The following DGKB variants were observed in gnomAD, a reference collection of about 807,000 sequenced individuals.
DGKB encodes the protein 90 kDa diacylglycerol kinase.
Under a neutral mutation model 114.3 loss-of-function variants are expected in DGKB, and 67 were observed. The ratio of observed to expected loss-of-function variants is 0.59; its 90% confidence interval spans 0.48 to 0.72. DGKB has a LOEUF of 0.72. Ranked by LOEUF, DGKB falls within the 30% of genes least tolerant of loss-of-function variation. The probability of loss-of-function intolerance (pLI) is 0.00; values close to 1 mark genes in which losing one functional copy is unlikely to be tolerated. For missense variants in DGKB, 907 were observed against 975.2 expected, an observed-to-expected ratio of 0.93 and a Z score of 0.93; for synonymous variants, 398 against 323.1, an observed-to-expected ratio of 1.23 and a Z score of -2.49.
chr7:14,741,004 T>C (rs1466886055), intron 4 of DGKB, among the ~76,000 whole-genome samples: 1 of 152,176 alleles, frequency 6.6e-6, no homozygotes, highest in Non-Finnish European at 1.5e-5. Context: ...GCCATTCGTC[T>C]TCAGTCTGTG....
rs953137621 is a variant in DGKB, at chr7:14,524,027, G to A, written c.1771-45802C>T. On this transcript the variant is annotated intron_variant, in intron 20 of 25. Coordinates refer to ENST00000402815, the MANE Select transcript of DGKB (RefSeq NM_001350709.2). ...TTCCCAGCTCTGGATCGAGACACAC[G>A]GGCATATCAAATCAGCTGATAATTT... Among the ~76,000 whole-genome samples the A allele has an allele frequency of 3.3e-5, 5 of 151,986 alleles. No homozygotes were observed. The East Asian group carries it at 7.7e-4, about 23-fold the overall frequency.
chr7:14,539,469 CTT>C (rs1793064561), intron 20 of DGKB, among the ~76,000 whole-genome samples: 1 of 152,072 alleles, frequency 6.6e-6, no homozygotes, highest in South Asian at 2.1e-4. Flanking sequence ...GATTGTATAA[CTT>C]CATAAATTTA....
chr7:14,663,930 A>T (rs1396623534), intron 13 of DGKB, among the ~76,000 whole-genome samples: 2 of 151,932 alleles, frequency 1.3e-5, no homozygotes, highest in Non-Finnish European at 2.9e-5. Flanking sequence ...TTTTAAGGGC[A>T]ATCTCTTGGC....
At chr7:14,340,622 C>T (rs1811453747) in intron 22 of DGKB, among the ~76,000 whole-genome samples, 1 of 151,404 alleles carries the variant, frequency 6.6e-6, no homozygotes, top group African/African-American at 2.4e-5. Flanking sequence ...CTACAAGCCA[C>T]GGCCTGTGGC....
intron 1 of DGKB, among the ~76,000 whole-genome samples, chr7:14,863,049 C>T (rs1178605087): frequency 6.6e-6 from 1 of 151,850 alleles, no homozygotes; most frequent in Non-Finnish European, 1.5e-5. Flanking sequence ...TAAATTTGGT[C>T]ATGGTGGAGG....
At chr7:14,597,348 CAA>C (rs1802760089) in intron 17 of DGKB, among the ~76,000 whole-genome samples, 1 of 152,148 alleles carries the variant, frequency 6.6e-6, no homozygotes, top group African/African-American at 2.4e-5. Flanking sequence ...ATGAATTCAA[CAA>C]ACATCTGCCA....
rs143653490 is a variant in DGKB at position 14,758,349 on chromosome 7, A to T, written c.71-618T>A. ...AATAAAATAATGTCATAAAAGAATT[A>T]TCAGTATTACAATTAAAGTTAAATA... On this transcript the variant is annotated intron_variant, in intron 2 of 25. Transcript: ENST00000402815. Among the ~76,000 whole-genome samples, 56 of 152,158 alleles carry T rather than the reference A, an allele frequency of 3.7e-4. No individual in the cohort carries two copies. The East Asian group carries it at 9.6e-3, about 26-fold the overall frequency.
intron 25 of DGKB, among the ~76,000 whole-genome samples, chr7:14,162,484 T>C (rs1413109340): frequency 1.3e-5 from 2 of 152,210 alleles, no homozygotes; most frequent in African/African-American, 2.4e-5. Context: ...ATTACATATC[T>C]GGCATATTTC....
chr7:14,789,862 C>G (rs558145729), intron 2 of DGKB, among the ~76,000 whole-genome samples: 1 of 152,212 alleles, frequency 6.6e-6, no homozygotes, highest in African/African-American at 2.4e-5. Context: ...TAAGAAATGG[C>G]CAAAATGTTT....
chr7:14,908,772 G>A (rs1034577271), intron 1 of DGKB, among the ~76,000 whole-genome samples: 1 of 152,094 alleles, frequency 6.6e-6, no homozygotes, highest in Admixed American at 6.5e-5. Context: ...ATTTGTAACA[G>A]TAATGATAGC....
intron 1 of DGKB, among the ~76,000 whole-genome samples, chr7:14,852,201 T>C (rs1477809333): frequency 1.3e-5 from 2 of 152,056 alleles, no homozygotes; most frequent in Non-Finnish European, 2.9e-5. Flanking sequence ...GAAAGAAGTA[T>C]ATGTGTGTGT....
chr7:14,455,774 C>G (rs1440831866), intron 21 of DGKB, among the ~76,000 whole-genome samples: 1 of 151,832 alleles, frequency 6.6e-6, no homozygotes, highest in Admixed American at 6.6e-5. Flanking sequence ...TTTTAATACC[C>G]TGAAATTTTT....
At chr7:14,737,892 CAAA>C (rs72307217) in intron 4 of DGKB, among the ~76,000 whole-genome samples, 45 of 104,560 alleles carry the variant, frequency 4.3e-4, no homozygotes, top group African/African-American at 9.7e-4. Flanking sequence ...GACTCCGTCT[CAAA>C]AAAAAAAAAA....
intron 1 of DGKB, among the ~76,000 whole-genome samples, chr7:14,941,252 A>C (rs2128254776): frequency 6.6e-6 from 1 of 152,198 alleles, no homozygotes; most frequent in East Asian, 1.9e-4. Flanking sequence ...TAAATTATTA[A>C]AACAGCCTAT....
chr7:14,774,119 T>C (rs1283851135), intron 2 of DGKB, among the ~76,000 whole-genome samples: 2 of 152,186 alleles, frequency 1.3e-5, no homozygotes, highest in African/African-American at 2.4e-5. Flanking sequence ...GTTAAAAATC[T>C]GTCTGAATGA....
intron 1 of DGKB, among the ~76,000 whole-genome samples, chr7:14,862,335 T>C (rs909312859): frequency 6.6e-6 from 1 of 152,056 alleles, no homozygotes; most frequent in East Asian, 1.9e-4. Context: ...TACCCTCTTA[T>C]CAAATTTCAA....
intron 20 of DGKB, among the ~76,000 whole-genome samples, chr7:14,541,402 C>T (rs1254374878): frequency 1.3e-5 from 2 of 152,138 alleles, no homozygotes; most frequent in African/African-American, 2.4e-5. Context: ...TTGATACAGC[C>T]TGCTCTCACG....
At chr7:14,815,437 T>C (rs4721377) in intron 2 of DGKB, among the ~76,000 whole-genome samples, 33,990 of 152,238 alleles carry the variant, frequency 0.22, 4,787 homozygotes, top group Non-Finnish European at 0.32. Flanking sequence ...CCATTTAACC[T>C]ATGGGGAACT....
Position 14,484,282 on chromosome 7 carries a change from T to C in DGKB, c.1771-6057A>G, listed in dbSNP as rs1455670455. ...AAACTCTAGAGGTAAAAATTGTTGT[T>C]TTGAAAAGAAGGATTTATTTTAACG... On this transcript the variant is annotated intron_variant, in intron 20 of 25. Coordinates refer to ENST00000402815, the MANE Select transcript of DGKB (RefSeq NM_001350709.2). Among the ~76,000 whole-genome samples, 4 of 152,224 alleles carry C rather than the reference T, an allele frequency of 2.6e-5. No homozygotes were observed. The East Asian group carries it at 7.7e-4, about 29-fold the overall frequency.
Sources: gnomAD v4.1 joint callset for allele counts (sites outside exome capture counted in the v4.1 genomes callset) on GRCh38, gnomAD v4.1.1 for gene constraint, MANE v1.5 for transcripts, NCBI Gene and HGNC (gene_info 2026-07-23, HGNC 2026-07-21) for gene names.